The following FER variants were observed in gnomAD, a reference collection of about 807,000 sequenced individuals.
FER encodes the protein tyrosine-protein kinase Fer.
In FER, 63 loss-of-function variants were observed where a neutral mutation model predicts 111.0. That is an observed-to-expected ratio of 0.57 (90% CI 0.46 to 0.70). FER has a LOEUF of 0.70. Among genes scored for constraint, FER ranks in the 30% least tolerant of loss-of-function variants. The pLI is 0.00. For missense variants in FER, 914 were observed against 954.0 expected (o/e 0.96, Z 0.55); for synonymous variants, 327 against 313.9 (o/e 1.04, Z -0.44).
At chr5:109,098,867 A>G (rs1747858670) in intron 16 of FER, among the ~76,000 whole-genome samples, 1 of 151,686 alleles carries the variant, frequency 6.6e-6, no homozygotes, top group Non-Finnish European at 1.5e-5. Flanking sequence ...CTAAATTTGT[A>G]TAATACTTAA....
chr5:108,955,642 G>T (rs895448741), intron 12 of FER, among the ~76,000 whole-genome samples: 16 of 151,768 alleles, frequency 1.1e-4, no homozygotes, highest in Non-Finnish European at 1.9e-4. Flanking sequence ...GCATATGAAA[G>T]AATTGATGCC....
chr5:108,829,473 A>G (rs1759811592), intron 3 of FER, among the ~76,000 whole-genome samples: 1 of 152,148 alleles, frequency 6.6e-6, no homozygotes, highest in Non-Finnish European at 1.5e-5. Flanking sequence ...CCTTGTCTCT[A>G]CTAAAAATCA....
At chr5:108,970,871 C>A (rs181615862) in intron 13 of FER, among the ~76,000 whole-genome samples, 1 of 152,112 alleles carries the variant, frequency 6.6e-6, no homozygotes, top group East Asian at 1.9e-4. Context: ...AGGTTAAAAT[C>A]AGATTTTTGA....
chr5:109,128,119 G>A (rs1342145654), intron 17 of FER, among the ~76,000 whole-genome samples: 2 of 152,048 alleles, frequency 1.3e-5, no homozygotes, highest in Non-Finnish European at 2.9e-5. Context: ...AGTGTTGAAG[G>A]TTAAATTTAT....
intron 17 of FER, among the ~76,000 whole-genome samples, chr5:109,105,198 GT>G (rs1232429857): frequency 1.4e-5 from 2 of 147,112 alleles, no homozygotes; most frequent in Non-Finnish European, 3.0e-5. Context: ...TACTTTTTTA[GT>G]TAAATGTAAG....
At chr5:109,072,376 C>CT (rs968775398) in intron 16 of FER, among the ~76,000 whole-genome samples, 1 of 146,218 alleles carries the variant, frequency 6.8e-6, no homozygotes, top group African/African-American at 2.5e-5. Flanking sequence ...ATGATAAAAA[C>CT]TTTTAATGGC....
chr5:109,138,648 C>G (rs1411239310), intron 17 of FER, among the ~76,000 whole-genome samples: 6 of 152,152 alleles, frequency 3.9e-5, no homozygotes, highest in Non-Finnish European at 5.9e-5. Context: ...CTTGATTTCT[C>G]TAGTTCCTCT....
chr5:108,916,883 A>G (rs115804082), intron 10 of FER, among the ~76,000 whole-genome samples: 2,218 of 152,250 alleles, frequency 0.015, 25 homozygotes, highest in South Asian at 0.052. Context: ...CAACAATTTC[A>G]TATTATATTT....
At chr5:108,791,113 T>A (rs1230006455) in intron 2 of FER, among the ~76,000 whole-genome samples, 3 of 152,258 alleles carry the variant, frequency 2.0e-5, no homozygotes, top group Admixed American at 6.5e-5. Context: ...AACATTCATA[T>A]GCAAGTTTTT....
intron 17 of FER, among the ~76,000 whole-genome samples, chr5:109,135,491 GC>G (rs1752788752): frequency 6.6e-6 from 1 of 152,074 alleles, no homozygotes; most frequent in South Asian, 2.1e-4. Context: ...TTTGCAAGTC[GC>G]AATGGTTACA....
chr5:108,987,267 G>A (rs923799573), intron 13 of FER, among the ~76,000 whole-genome samples: 2 of 152,066 alleles, frequency 1.3e-5, no homozygotes, highest in African/African-American at 2.4e-5. Context: ...CCAACATGGC[G>A]AAACCCCATC....
chr5:109,164,356 G>A lies in FER; in HGVS notation c.2049-16391G>A, dbSNP rs578000001. Among the ~76,000 whole-genome samples, 8 of 152,212 alleles carry A rather than the reference G, an allele frequency of 5.3e-5. No individual in the cohort carries two copies. In the South Asian group the frequency reaches 1.7e-3, roughly 32 times the overall value. On this transcript the variant is annotated intron_variant, in intron 17 of 19. Transcript: ENST00000281092. ...TGATAGTATTAAGATAGTCCAAGGTGGCCTCCATTTTTCTTTACTATTGTT... is the reference window on the plus strand; with the variant it reads ...TGATAGTATTAAGATAGTCCAAGGTAGCCTCCATTTTTCTTTACTATTGTT...
At chr5:108,801,238 C>T (rs1756609241) in intron 3 of FER, among the ~76,000 whole-genome samples, 1 of 152,166 alleles carries the variant, frequency 6.6e-6, no homozygotes, top group Admixed American at 6.5e-5. Context: ...TTTGTTCTAA[C>T]TTCATTTGTT....
intron 17 of FER, among the ~76,000 whole-genome samples, chr5:109,144,935 C>G (rs772414725): frequency 5.3e-5 from 8 of 152,006 alleles, no homozygotes; most frequent in Admixed American, 2.6e-4. Flanking sequence ...AATCTTCAAG[C>G]TATGAAGAGA....
intron 3 of FER, among the ~76,000 whole-genome samples, chr5:108,822,497 G>A (rs1480301676): frequency 6.6e-6 from 1 of 152,136 alleles, no homozygotes; most frequent in Admixed American, 6.5e-5. Context: ...GTGGACATAT[G>A]CAAAGAGAGA....
In FER at chr5:108,959,095, G is replaced by T. The variant is rs553396653; in HGVS notation, c.1534-130G>T. 51 of 735,384 alleles carry T rather than the reference G, an allele frequency of 6.9e-5. No individual in the cohort carries two copies. In the East Asian group the frequency reaches 1.5e-3, roughly 21 times the overall value. The allele number at this position is 735,384 out of a possible 1,614,324, so 45.6% of individuals were successfully genotyped here. On this transcript the variant is annotated intron_variant, in intron 12 of 19. Transcript: ENST00000281092. The stretch of plus-strand genomic sequence containing the variant: ...TAACCATTTTTAAGGGTATAGTTCA[G>T]TAGTGTTAAGTATATTCACATTGTT...
chr5:109,105,494 TAAAAA>T (rs1423763725), intron 17 of FER, among the ~76,000 whole-genome samples: 4 of 152,070 alleles, frequency 2.6e-5, no homozygotes, highest in African/African-American at 9.7e-5. Flanking sequence ...ACAAAATAAA[TAAAAA>T]TAAAATAAAA....
intron 13 of FER, among the ~76,000 whole-genome samples, chr5:108,981,641 A>G (rs1762023914): frequency 6.6e-6 from 1 of 152,130 alleles, no homozygotes; most frequent in Non-Finnish European, 1.5e-5. Context: ...TATGTAATAT[A>G]AATCAGACAT....
At chr5:108,933,567 G>T (rs1293148815) in intron 10 of FER, among the ~76,000 whole-genome samples, 1 of 152,082 alleles carries the variant, frequency 6.6e-6, no homozygotes, top group Non-Finnish European at 1.5e-5. Context: ...GGATTATCTT[G>T]GCTGTATAGG....
Sources: allele counts gnomAD v4.1 joint callset (sites outside exome capture counted in the v4.1 genomes callset), GRCh38; gene constraint gnomAD v4.1.1; transcripts MANE v1.5; gene names NCBI Gene and HGNC (gene_info 2026-07-23, HGNC 2026-07-21).